TTC27: variants seen among roughly 807,000 people sequenced by gnomAD.
TTC27 encodes the protein tetratricopeptide repeat protein 27.
Under a neutral mutation model 115.9 loss-of-function variants are expected in TTC27, and 79 were observed. The observed-to-expected ratio is 0.68, with a 90% CI of 0.57 to 0.82. The LOEUF (loss-of-function observed/expected upper bound fraction) is 0.82. Ranked by LOEUF, TTC27 falls within the 40% of genes least tolerant of loss-of-function variation. The probability of loss-of-function intolerance (pLI) is 0.00; values close to 1 mark genes in which losing one functional copy is unlikely to be tolerated. For synonymous variants in TTC27, 401 were observed against 356.0 expected (o/e 1.13, Z -1.42); for missense variants, 1,054 against 993.1 (o/e 1.06, Z -0.82).
chr2:32,699,280 T>A (rs547522605), intron 9 of TTC27, among the ~76,000 whole-genome samples: 1 of 152,300 alleles, frequency 6.6e-6, no homozygotes, highest in African/African-American at 2.4e-5. Flanking sequence ...AAAGTGGCAT[T>A]AAGGCCAAGA....
chr2:32,786,022 C>A (rs922859745), intron 15 of TTC27, among the ~76,000 whole-genome samples: 7 of 152,078 alleles, frequency 4.6e-5, no homozygotes, highest in African/African-American at 1.7e-4. Flanking sequence ...TAAATTATTT[C>A]TTTGTCTCTT....
chr2:32,669,344 C>G (rs755725014), intron 7 of TTC27, among the ~76,000 whole-genome samples: 7 of 152,084 alleles, frequency 4.6e-5, no homozygotes, highest in Admixed American at 2.6e-4. Context: ...ATCTTATGGT[C>G]TTTGTTAATT....
At position 32,714,251 on chromosome 2, in the gene TTC27, C is replaced by T. The variant is rs192995278; in HGVS notation, c.1233+11331C>T. Among the ~76,000 whole-genome samples the T allele has an allele frequency of 2.9e-3, 434 of 151,638 alleles. 2 individuals are homozygous for T. The highest frequency in any genetic ancestry group is 9.5e-3 in the African/African-American group (392 of 41,318). ...TCGGCTCACTGAAAGCTCCACCTCC[C>T]GGGTTCACACCATTCTCCTGCCTCA... On this transcript the variant is annotated intron_variant, in intron 10 of 19. Transcript: ENST00000317907.
At chr2:32,685,793 G>T (rs1269197416) in intron 9 of TTC27, among the ~76,000 whole-genome samples, 1 of 152,014 alleles carries the variant, frequency 6.6e-6, no homozygotes, top group South Asian at 2.1e-4. Flanking sequence ...CTTAAGCTCA[G>T]AAAAAAGGGA....
At chr2:32,654,448 G>A (rs998566418) in intron 5 of TTC27, among the ~76,000 whole-genome samples, 2 of 151,806 alleles carry the variant, frequency 1.3e-5, no homozygotes, top group African/African-American at 2.4e-5. Context: ...TCATATTTAA[G>A]GTGTACAATT....
chr2:32,657,444 C>T, intron 5 of TTC27, among the ~76,000 whole-genome samples: 1 of 150,894 alleles, frequency 6.6e-6, no homozygotes, highest in South Asian at 2.1e-4. Flanking sequence ...AGCTCCGCCT[C>T]CTGGGTTCAC....
intron 12 of TTC27, among the ~76,000 whole-genome samples, chr2:32,744,703 C>T (rs1668757507): frequency 6.6e-6 from 1 of 152,128 alleles, no homozygotes; most frequent in Admixed American, 6.5e-5. Flanking sequence ...TTAGCTTGTT[C>T]ATGGTCATTC....
chr2:32,711,137 A>AG (rs1553554804), intron 10 of TTC27, among the ~76,000 whole-genome samples: 6 of 149,518 alleles, frequency 4.0e-5, no homozygotes, highest in Non-Finnish European at 8.9e-5. Context: ...AAAAAAAAAA[A>AG]AAGAAGAAGA....
At chr2:32,666,579 A>T (rs1665783717) in intron 6 of TTC27, 56 bp from the exon 7 acceptor site, 1 of 1,572,478 alleles carries the variant, frequency 6.4e-7, no homozygotes, top group African/African-American at 1.4e-5. Context: ...ACTCTTCATG[A>T]CTGTACAGTA....
chr2:32,697,630 T>C (rs1249206683), intron 9 of TTC27, among the ~76,000 whole-genome samples: 3 of 152,240 alleles, frequency 2.0e-5, no homozygotes, highest in Non-Finnish European at 2.9e-5. Flanking sequence ...TGGTCAACTT[T>C]TAGTCTACAT....
intron 5 of TTC27, among the ~76,000 whole-genome samples, chr2:32,652,050 T>C (rs917011359): frequency 6.6e-6 from 1 of 152,162 alleles, no homozygotes; most frequent in African/African-American, 2.4e-5. Flanking sequence ...CTCATACCAA[T>C]ATCCTTGTAT....
intron 5 of TTC27, among the ~76,000 whole-genome samples, chr2:32,654,676 G>A (rs115789222): frequency 2.6e-5 from 4 of 151,628 alleles, no homozygotes; most frequent in Admixed American, 6.6e-5. Flanking sequence ...GAGTATAGGC[G>A]CTTGCCACCA....
Position 32,723,971 on chromosome 2 carries a change from C to CTTTTTTTTTTTTTTTTTTTTTTTTTTTTT in TTC27, c.1234-9840_1234-9839insTTTTTTTTTTTTTTTTTTTTTTTTTTTTT, listed in dbSNP as rs36120062. Among the ~76,000 whole-genome samples, 11 of 92,440 alleles carry CTTTTTTTTTTTTTTTTTTTTTTTTTTTTT rather than the reference C, an allele frequency of 1.2e-4. 2 individuals carry two copies. Among genetic ancestry groups the CTTTTTTTTTTTTTTTTTTTTTTTTTTTTT allele is most frequent in the Admixed American group, 2.3e-4 (2 of 8,746 alleles). The allele number at this position is 92,440 out of a possible 152,430, so 60.6% of individuals were successfully genotyped here. The stretch of plus-strand genomic sequence containing the variant: ...TGAGCCACCAGCTGGCATACATAAG[C>CTTTTTTTTTTTTTTTTTTTTTTTTTTTTT]TTTTTTTTTTTTTTTTTATAGAAAG... On this transcript the variant is annotated intron_variant, in intron 10 of 19. Coordinates refer to ENST00000317907, the MANE Select transcript of TTC27 (RefSeq NM_017735.5).
chr2:32,704,818 G>A (rs1353689293), intron 10 of TTC27: 5 of 466,128 alleles, frequency 1.1e-5, no homozygotes, highest in South Asian at 6.3e-5. Context: ...TAGAATTTTG[G>A]CTGTCATATT....
At chr2:32,809,118 A>C (rs373979119) in intron 16 of TTC27, among the ~76,000 whole-genome samples, 1 of 152,230 alleles carries the variant, frequency 6.6e-6, no homozygotes, top group South Asian at 2.1e-4. Context: ...AATTAAGACC[A>C]TGAATCTGAG....
chr2:32,758,654 A>G (rs1163874804), intron 13 of TTC27, 135 bp downstream of exon 13: 1 of 792,174 alleles, frequency 1.3e-6, no homozygotes, highest in African/African-American at 1.7e-5. Flanking sequence ...TTAGTCTCTA[A>G]TAGACTTTTT....
rs748658844 is a variant in TTC27, at chr2:32,787,158, T to C, written c.1998+9T>C. 9 of 1,602,954 alleles carry C rather than the reference T, an allele frequency of 5.6e-6. No homozygotes were observed. The highest frequency in any genetic ancestry group is 7.7e-6 in the Non-Finnish European group (9 of 1,176,196). On this transcript the variant is annotated intron_variant, in intron 16 of 19. Transcript: ENST00000317907. The stretch of plus-strand genomic sequence containing the variant: ...AATACAAAGATGTTCAGGTAGGATA[T>C]TCCTATTCCGTTATTTCAGTTTGTG...
intron 2 of TTC27, among the ~76,000 whole-genome samples, chr2:32,632,532 A>G (rs187359879): frequency 6.6e-6 from 1 of 152,142 alleles, no homozygotes; most frequent in African/African-American, 2.4e-5. Flanking sequence ...TGATTAGGAC[A>G]GTTTATTAAG....
In TTC27 at chr2:32,746,563, CA is replaced by C. The variant is rs770621313; in HGVS notation, c.1452+9766del. On this transcript the variant is annotated intron_variant, in intron 12 of 19. Transcript: ENST00000317907. ...TGGCAATAAGAGTGAAACTCCATCT[CA>C]AAAAAAAAAAAAAAAAAAGAATGCA... Among the ~76,000 whole-genome samples, 37 of 46,302 alleles carry C rather than the reference CA, an allele frequency of 8.0e-4. 1 individual carries two copies. The Middle Eastern group carries it at 0.058, about 72-fold the overall frequency. The allele number at this position is 46,302 out of a possible 152,430, so 30.4% of individuals were successfully genotyped here.
Sources: gnomAD v4.1 joint callset for allele counts (sites outside exome capture counted in the v4.1 genomes callset) on GRCh38, gnomAD v4.1.1 for gene constraint, MANE v1.5 for transcripts, NCBI Gene and HGNC (gene_info 2026-07-23, HGNC 2026-07-21) for gene names.